DIPK1C: variants seen among roughly 807,000 people sequenced by gnomAD.
DIPK1C encodes familial non-conventional Alzheimer's dementia.
In DIPK1C, 33 loss-of-function variants were observed where a neutral mutation model predicts 28.0. The observed-to-expected ratio is 1.18, with a 90% confidence interval of 0.89 to 1.58. DIPK1C has a LOEUF of 1.58. DIPK1C is among the 40% of genes most tolerant of loss of function. The pLI is 0.00. For synonymous variants in DIPK1C, 255 were observed against 248.8 expected (o/e 1.02, Z -0.23); for missense variants, 569 against 568.5 (o/e 1.00, Z -0.01).
chr18:74,441,031 AC>A (rs1447225585), intron 3 of DIPK1C, among the ~76,000 whole-genome samples: 1 of 152,156 alleles, frequency 6.6e-6, no homozygotes, highest in Non-Finnish European at 1.5e-5. Context: ...TTAACAGCGG[AC>A]CTGTCCCAGC....
At chr18:74,453,250 G>A (rs1568266048) in intron 1 of DIPK1C, among the ~76,000 whole-genome samples, 1 of 152,232 alleles carries the variant, frequency 6.6e-6, no homozygotes, top group African/African-American at 2.4e-5. Context: ...CTGAGGGCCG[G>A]GTTTCCTTTT....
intron 1 of DIPK1C, 50 bp downstream of exon 1, chr18:74,457,012 T>A (rs1986528726): frequency 2.2e-6 from 3 of 1,362,158 alleles, no homozygotes. Context: ...GCGGGTGTGA[T>A]CCCCCCTCCC....
Position 74,436,471 on chromosome 18 carries a change from T to G in DIPK1C, c.*30A>C, listed in dbSNP as rs915677139. On this transcript the variant is annotated 3_prime_UTR_variant, in exon 4 of 4. Coordinates refer to ENST00000343998, the MANE Select transcript of DIPK1C (RefSeq NM_001044369.3). The stretch of plus-strand genomic sequence containing the variant: ...GAAATCCAGCCAAGGTCACTTTTCC[T>G]GTGTGAGCATGTTTAAGGCCAGAGA... The G allele has an allele frequency of 1.6e-5, 25 of 1,543,618 alleles. No homozygotes were observed. Among genetic ancestry groups the G allele is most frequent in the Non-Finnish European group, 2.1e-5 (24 of 1,143,112 alleles).
intron 2 of DIPK1C, among the ~76,000 whole-genome samples, chr18:74,443,386 C>G (rs955396793): frequency 1.3e-5 from 2 of 152,318 alleles, no homozygotes; most frequent in Admixed American, 1.3e-4. Context: ...CAAGCCTTCA[C>G]AGGTCAGCAT....
At chr18:74,441,191 C>T (rs897717734) in intron 3 of DIPK1C, among the ~76,000 whole-genome samples, 2 of 152,132 alleles carry the variant, frequency 1.3e-5, no homozygotes, top group Admixed American at 6.5e-5. Context: ...CAGTGGAGGG[C>T]CCACTAGGGG....
chr18:74,437,798 C>T (rs1002713436), intron 3 of DIPK1C, among the ~76,000 whole-genome samples: 2 of 152,232 alleles, frequency 1.3e-5, no homozygotes, highest in Non-Finnish European at 2.9e-5. Flanking sequence ...GACATACACA[C>T]TTCCTTTTCC....
chr18:74,438,300 G>A (rs1461941999), intron 3 of DIPK1C, among the ~76,000 whole-genome samples: 1 of 152,222 alleles, frequency 6.6e-6, no homozygotes, highest in African/African-American at 2.4e-5. Context: ...TGATGGACTT[G>A]AGGTTGCATA....
the DIPK1C span, among the ~76,000 whole-genome samples, chr18:74,463,838 C>G: frequency 6.6e-6 from 1 of 152,220 alleles, no homozygotes; most frequent in Non-Finnish European, 1.5e-5. Context: ...GCCTGACCTG[C>G]TCGCCTGACA....
chr18:74,445,595 T>A (rs1439619155), intron 2 of DIPK1C, among the ~76,000 whole-genome samples: 1 of 152,212 alleles, frequency 6.6e-6, no homozygotes, highest in African/African-American at 2.4e-5. Context: ...CAGTGCCTGC[T>A]TTTTGTCCTT....
upstream of DIPK1C, among the ~76,000 whole-genome samples, chr18:74,460,429 G>A (rs143406150): frequency 2.6e-5 from 4 of 152,358 alleles, no homozygotes; most frequent in Non-Finnish European, 4.4e-5. Flanking sequence ...AATCTGAAAA[G>A]TGGTATGAAA....
chr18:74,437,783 T>C (rs1170668669), intron 3 of DIPK1C, among the ~76,000 whole-genome samples: 2 of 152,330 alleles, frequency 1.3e-5, no homozygotes, highest in East Asian at 3.9e-4. Flanking sequence ...AATGAGACAT[T>C]CTTTGACATA....
intron 2 of DIPK1C, 81 bp downstream of exon 2, chr18:74,446,525 T>A: frequency 7.6e-7 from 1 of 1,315,174 alleles, no homozygotes; most frequent in Non-Finnish European, 9.8e-7. Context: ...GGCCAGGAGC[T>A]CAGAAACCTT....
upstream of DIPK1C, among the ~76,000 whole-genome samples, chr18:74,458,729 C>T (rs1986572086): frequency 1.3e-5 from 2 of 150,250 alleles, no homozygotes; most frequent in Admixed American, 1.3e-4. Flanking sequence ...ACACGCCCAA[C>T]CAGAAGTACC....
Position 74,447,010 on chromosome 18 carries a change from C to A in DIPK1C, c.472G>T (p.Ala158Ser), listed in dbSNP as rs371788036. Residue 158 changes from alanine (A) to serine (S), a missense_variant, in exon 2 of 4, where the codon GCT (alanine) becomes TCT (serine). Transcript: ENST00000343998. This position sits in a 1 kb window ranked among gnomAD's most constrained non-coding sequence, Gnocchi z 4.1. ...CTGTTGGACAACTCCAGGCCCAGAG[C>A]GCTCTTGACCTCCCCAGCCACCATC... The part of the protein sequence containing the change: ...LLMVAGEVKS[A>S]LGLELSNSSL... 2 of 1,539,842 alleles carry A rather than the reference C, an allele frequency of 1.3e-6. No homozygotes were observed. The highest frequency in any genetic ancestry group is 2.7e-5 in the African/African-American group (2 of 72,948).
rs1450215762 is a variant in DIPK1C at position 74,435,576 on chromosome 18, A to C, written c.*925T>G. On this transcript the variant is annotated 3_prime_UTR_variant, in exon 4 of 4. Coordinates refer to ENST00000343998, the MANE Select transcript of DIPK1C (RefSeq NM_001044369.3). ...CTGAAGGTGAAGACAATGCTGCATC[A>C]AGCCAACCTACAAGTCCCTGCCCAG... 6.6e-6 allele frequency: 1 copy of C among 152,196 alleles called. No homozygotes were observed. The highest frequency in any genetic ancestry group is 1.5e-5 in the Non-Finnish European group (1 of 68,040). 9.4% of individuals were successfully genotyped at this position (152,196 alleles called of 1,614,324 possible). A position where few individuals can be genotyped will look rare whatever the true frequency, so the allele number is the denominator to read the frequency against.
intron 2 of DIPK1C, among the ~76,000 whole-genome samples, chr18:74,445,782 A>C (rs1353524007): frequency 1.3e-5 from 2 of 152,146 alleles, no homozygotes; most frequent in Non-Finnish European, 2.9e-5. Context: ...CCCCAAACCC[A>C]TCCCGCACCC....
chr18:74,436,022 C>T lies in DIPK1C; in HGVS notation c.*479G>A. On this transcript the variant is annotated 3_prime_UTR_variant, in exon 4 of 4. Coordinates refer to ENST00000343998, the MANE Select transcript of DIPK1C (RefSeq NM_001044369.3). ...CACACCACACTCACCTGTGCACACT[C>T]ACCTGTGCACACTCACACACATGCA... The T allele has an allele frequency of 5.3e-6, 1 of 188,842 alleles. No individual in the cohort carries two copies. The highest frequency in any genetic ancestry group is 2.4e-5 in the African/African-American group (1 of 42,418). The allele number at this position is 188,842 out of a possible 1,614,324, so 11.7% of individuals were successfully genotyped here.
At chr18:74,458,690 A>C (rs1861933317), upstream of DIPK1C, among the ~76,000 whole-genome samples, 1 of 150,360 alleles carries the variant, frequency 6.7e-6, no homozygotes, top group Non-Finnish European at 1.5e-5. Context: ...CTCTGTGTGA[A>C]GCTTCCCCCC....
chr18:74,446,763 C>T lies in DIPK1C; in HGVS notation c.719G>A (p.Arg240Gln), dbSNP rs8082945. 6,942 of 1,522,384 alleles carry T rather than the reference C, an allele frequency of 4.6e-3. 274 individuals are homozygous for T. In the African/African-American group the frequency reaches 0.083, roughly 18 times the overall value. 94.3% of individuals were successfully genotyped at this position (1,522,384 alleles called of 1,614,324 possible). The change falls in exon 2 of 4, where the codon CGG becomes CAG. Residue 240 changes from arginine to glutamine, a missense_variant. Transcript: ENST00000343998. Reference protein sequence around the residue: ...PHHRALFPLDRAPGAPGGGQA... With the variant: ...PHHRALFPLDQAPGAPGGGQA... ...GCCACCCCCAGGGGCACCTGGGGCC[C>T]GGTCCAGGGGGAAGAGTGCCCTGTG...
Sources: gnomAD v4.1 joint callset for allele counts (sites outside exome capture counted in the v4.1 genomes callset) on GRCh38, gnomAD v4.1.1 for gene constraint, Gnocchi (gnomAD v3.1) non-coding constraint, MANE v1.5 for transcripts, NCBI Gene and HGNC (gene_info 2026-07-23, HGNC 2026-07-21) for gene names.